The following DNAJC13 variants were observed in gnomAD, a reference collection of about 807,000 sequenced individuals.
DNAJC13 encodes dnaJ homolog subfamily C member 13.
DNAJC13 carries 75 observed loss-of-function variants against 290.5 expected under a neutral mutation model. The observed-to-expected ratio is 0.26, with a 90% CI of 0.21 to 0.31. The LOEUF (loss-of-function observed/expected upper bound fraction) is 0.31, where lower values mean the gene tolerates loss of function less well. Ranked by LOEUF, DNAJC13 falls within the 10% of genes least tolerant of loss-of-function variation. The probability of loss-of-function intolerance (pLI) is 1.00; values close to 1 mark genes in which losing one functional copy is unlikely to be tolerated. For synonymous variants in DNAJC13, 862 were observed against 892.0 expected, an observed-to-expected ratio of 0.97 and a Z score of 0.60; for missense variants, 2,260 against 2,674.5, an observed-to-expected ratio of 0.85 and a Z score of 3.42.
chr3:132,418,012 T>G (rs1938843889), intron 1 of DNAJC13, among the ~76,000 whole-genome samples: 1 of 152,102 alleles, frequency 6.6e-6, no homozygotes, highest in Non-Finnish European at 1.5e-5. Flanking sequence ...TTTGCTTGTT[T>G]TATACCTAGT....
intron 13 of DNAJC13, among the ~76,000 whole-genome samples, chr3:132,458,666 TC>T (rs1466096501): frequency 1.3e-5 from 2 of 152,158 alleles, no homozygotes; most frequent in African/African-American, 4.8e-5. Flanking sequence ...TCATGTATTC[TC>T]CCTGCTCAGA....
At chr3:132,480,244 AC>A in intron 25 of DNAJC13, 124 bp from the exon 26 acceptor site, 1 of 546,232 alleles carries the variant, frequency 1.8e-6, no homozygotes, top group South Asian at 2.7e-5. Context: ...ATTTCCAAGG[AC>A]TCCAAACATT....
intron 48 of DNAJC13, among the ~76,000 whole-genome samples, chr3:132,519,258 T>A (rs973807037): frequency 6.6e-6 from 1 of 152,200 alleles, no homozygotes; most frequent in African/African-American, 2.4e-5. Flanking sequence ...CCCCTAGCAA[T>A]GTATTTATCA....
chr3:132,510,804 C>T (rs901034274), intron 43 of DNAJC13, among the ~76,000 whole-genome samples: 4 of 151,910 alleles, frequency 2.6e-5, no homozygotes, highest in Non-Finnish European at 5.9e-5. Context: ...TCTGTTACTT[C>T]GATTGATAAA....
At chr3:132,450,090 A>C (rs919452366) in intron 5 of DNAJC13, among the ~76,000 whole-genome samples, 1 of 152,094 alleles carries the variant, frequency 6.6e-6, no homozygotes, top group Non-Finnish European at 1.5e-5. Context: ...ATGATCAAAC[A>C]TCTTGAAGAT....
rs770039601 is a variant in DNAJC13 at position 132,450,734 on chromosome 3, C to G, written c.424C>G (p.Pro142Ala). 5 of 1,612,586 alleles carry G rather than the reference C, an allele frequency of 3.1e-6. No individual in the cohort carries two copies. Among genetic ancestry groups the G allele is most frequent in the Non-Finnish European group, 4.2e-6 (5 of 1,179,082 alleles). ...VTPGGFDQINPATNRVLCSYD... is the reference protein window; with the variant it reads ...VTPGGFDQINAATNRVLCSYD... ...TCCAGGAGGCTTTGACCAAATTAATCCTGCAACCAACAGAGTACTCTGTTC... is the reference window on the plus strand; with the variant it reads ...TCCAGGAGGCTTTGACCAAATTAATGCTGCAACCAACAGAGTACTCTGTTC... Residue 142 changes from proline to alanine, a missense_variant, in exon 6 of 56, where the codon CCT (proline) becomes GCT (alanine). By Grantham distance (27) the Pro-to-Ala change is conservative (BLOSUM62 -1). Transcript: ENST00000260818.
intron 45 of DNAJC13, among the ~76,000 whole-genome samples, chr3:132,513,662 T>C (rs1451388466): frequency 2.6e-5 from 4 of 152,174 alleles, no homozygotes; most frequent in Non-Finnish European, 4.4e-5. Flanking sequence ...CCATGGGTCT[T>C]AAGAGTCCAA....
chr3:132,518,631 G>A (rs1935994679), intron 48 of DNAJC13, among the ~76,000 whole-genome samples: 1 of 152,170 alleles, frequency 6.6e-6, no homozygotes, highest in South Asian at 2.1e-4. Context: ...TGCTGGAATT[G>A]CAGGGTGAGC....
intron 2 of DNAJC13, among the ~76,000 whole-genome samples, chr3:132,442,000 A>C (rs1251072435): frequency 7.0e-6 from 1 of 143,606 alleles, no homozygotes; most frequent in African/African-American, 2.8e-5. Context: ...CTGACCTAAC[A>C]CATTGGTTTT....
At chr3:132,510,947 C>T in intron 43 of DNAJC13, 120 bp from the exon 44 acceptor site, 1 of 1,084,354 alleles carries the variant, frequency 9.2e-7, no homozygotes, top group South Asian at 1.5e-5. Context: ...TAGGTGTATT[C>T]ATGTGTATGT....
At chr3:132,505,456 G>T (rs1433331420) in intron 42 of DNAJC13, 41 bp downstream of exon 42, 1 of 1,305,250 alleles carries the variant, frequency 7.7e-7, no homozygotes, top group African/African-American at 1.5e-5. Flanking sequence ...AATTTATTCT[G>T]ATGGAATCTC....
chr3:132,425,922 C>G (rs1180726245), intron 1 of DNAJC13, among the ~76,000 whole-genome samples: 2 of 152,132 alleles, frequency 1.3e-5, no homozygotes, highest in Admixed American at 6.5e-5. Flanking sequence ...GTCCCTTCAT[C>G]TTGCTTTTGT....
chr3:132,485,709 C>T (rs918702571), intron 29 of DNAJC13, among the ~76,000 whole-genome samples: 14 of 152,106 alleles, frequency 9.2e-5, no homozygotes, highest in African/African-American at 2.9e-4. Flanking sequence ...TAACTTCTGC[C>T]GTAGATTTTG....
intron 2 of DNAJC13, among the ~76,000 whole-genome samples, chr3:132,435,401 A>G (rs1438338124): frequency 1.3e-5 from 2 of 152,356 alleles, no homozygotes; most frequent in Non-Finnish European, 2.9e-5. Flanking sequence ...AATGTGACAC[A>G]TGCACAAAGC....
At chr3:132,450,277 A>G (rs1223679461) in intron 5 of DNAJC13, among the ~76,000 whole-genome samples, 3 of 152,130 alleles carry the variant, frequency 2.0e-5, no homozygotes. Flanking sequence ...AACTTGGATT[A>G]AAAGAATCCA....
chr3:132,510,923 C>G, intron 43 of DNAJC13, 144 bp from the exon 44 acceptor site: 1 of 796,148 alleles, frequency 1.3e-6, no homozygotes, highest in Middle Eastern at 3.5e-4. Context: ...CCTCTACATC[C>G]CCCCTATAGT....
At chr3:132,496,773 T>G in intron 36 of DNAJC13, 110 bp downstream of exon 36, 12 of 1,017,626 alleles carry the variant, frequency 1.2e-5, no homozygotes, top group Non-Finnish European at 1.6e-5. Context: ...TTAGAATTAT[T>G]GTTTAAAAGA....
At chr3:132,444,553 C>CT (rs1933181481) in intron 2 of DNAJC13, among the ~76,000 whole-genome samples, 1 of 152,196 alleles carries the variant, frequency 6.6e-6, no homozygotes, top group East Asian at 1.9e-4. Flanking sequence ...CATTCTTTCA[C>CT]TTTTTGCTCA....
intron 34 of DNAJC13, among the ~76,000 whole-genome samples, chr3:132,494,779 A>G (rs2107712010): frequency 6.6e-6 from 1 of 152,264 alleles, no homozygotes; most frequent in East Asian, 1.9e-4. Flanking sequence ...TAGAATTTGA[A>G]ATTGTCATTT....
Sources: gnomAD v4.1 joint callset for allele counts (sites outside exome capture counted in the v4.1 genomes callset) on GRCh38, gnomAD v4.1.1 for gene constraint, MANE v1.5 for transcripts, NCBI Gene and HGNC (gene_info 2026-07-23, HGNC 2026-07-21) for gene names.